The following SEZ6L variants were observed in gnomAD, a reference collection of about 807,000 sequenced individuals.
SEZ6L encodes the protein seizure 6-like protein.
Under a neutral mutation model 106.2 loss-of-function variants are expected in SEZ6L, and 37 were observed. That is an observed-to-expected ratio of 0.35 (90% CI 0.27 to 0.46). The LOEUF is 0.46. SEZ6L is among the 20% of genes least tolerant of loss of function. The pLI is 1.00. For missense variants in SEZ6L, 1,172 were observed against 1,332.8 expected (o/e 0.88, Z 1.88); for synonymous variants, 541 against 570.4 (o/e 0.95, Z 0.73).
Position 26,190,905 on chromosome 22 carries a change from A to G in SEZ6L, c.94+21142A>G, listed in dbSNP as rs958595488. The stretch of plus-strand genomic sequence containing the variant: ...TAATAATAAAATGACCCAATTGTGA[A>G]TTAAGCAGATATGTTTCTCTCCAGC... On this transcript the variant is annotated intron_variant, in intron 1 of 16. Transcript: ENST00000248933. Among the ~76,000 whole-genome samples the G allele has an allele frequency of 2.6e-5, 4 of 152,240 alleles. No homozygotes were observed. The East Asian group carries it at 5.8e-4, about 22-fold the overall frequency.
At chr22:26,380,210 T>C (rs1250386689) in intron 16 of SEZ6L, 56 bp from the exon 17 acceptor site, 5 of 1,565,766 alleles carry the variant, frequency 3.2e-6, no homozygotes, top group Non-Finnish European at 4.4e-6. Flanking sequence ...CATCCCCCTA[T>C]GTATATCACT....
intron 5 of SEZ6L, among the ~76,000 whole-genome samples, chr22:26,300,303 C>G (rs976242191): frequency 2.6e-5 from 4 of 152,122 alleles, no homozygotes; most frequent in African/African-American, 4.8e-5. Context: ...ATCCCTCCCC[C>G]CTCTCCCCAC....
At chr22:26,301,738 G>A (rs951150294) in intron 5 of SEZ6L, among the ~76,000 whole-genome samples, 1 of 151,954 alleles carries the variant, frequency 6.6e-6, no homozygotes, top group African/African-American at 2.4e-5. Flanking sequence ...AAATGGGGGG[G>A]AGAAGGGGGA....
At chr22:26,226,756 T>A (rs2078646009) in intron 1 of SEZ6L, among the ~76,000 whole-genome samples, 1 of 152,140 alleles carries the variant, frequency 6.6e-6, no homozygotes, top group Admixed American at 6.5e-5. Flanking sequence ...ATCTGGCCAA[T>A]GGGATGTAAG....
rs779805369 is a variant in SEZ6L at position 26,347,894 on chromosome 22, C to T, written c.2388C>T (p.Asp796=). The change falls in exon 11 of 17, where the codon GAC becomes GAT. Residue 796 remains aspartate, a synonymous_variant. Coordinates refer to ENST00000248933, the MANE Select transcript of SEZ6L (RefSeq NM_021115.5). ...AGTGGGACCTCAGCTGGAGCAGCGA[C>T]CCCCCATTTTGTGAGAAAAGTAAGA... ...TCQWDLSWSS[D]PPFCEKIMYC... 1.3e-6 allele frequency: 2 copies of T among 1,570,252 alleles called. No homozygotes were observed. Among genetic ancestry groups the T allele is most frequent in the Admixed American group, 4.2e-5 (2 of 47,606 alleles).
chr22:26,327,831 A>G (rs5752306), intron 9 of SEZ6L, among the ~76,000 whole-genome samples: 121,629 of 152,190 alleles, frequency 0.8, 49,100 homozygotes, highest in African/African-American at 0.88. Context: ...GGAATGTAGA[A>G]GGCCCTGGGT....
At chr22:26,354,265 G>A (rs889786311) in intron 12 of SEZ6L, among the ~76,000 whole-genome samples, 3 of 152,154 alleles carry the variant, frequency 2.0e-5, no homozygotes, top group African/African-American at 4.8e-5. Context: ...TCCAATGACT[G>A]GTGTCTTTGT....
At chr22:26,231,331 A>G (rs1344903214) in intron 1 of SEZ6L, among the ~76,000 whole-genome samples, 3 of 152,190 alleles carry the variant, frequency 2.0e-5, no homozygotes, top group Non-Finnish European at 4.4e-5. Flanking sequence ...GTAAACTGAC[A>G]TGGAACTCTG....
chr22:26,206,924 T>C (rs963554649), intron 1 of SEZ6L, among the ~76,000 whole-genome samples: 1 of 152,216 alleles, frequency 6.6e-6, no homozygotes, highest in African/African-American at 2.4e-5. Flanking sequence ...GTGATTTATT[T>C]TGAAAGCTCC....
intron 1 of SEZ6L, among the ~76,000 whole-genome samples, chr22:26,180,780 G>A (rs1203759009): frequency 1.3e-5 from 2 of 152,234 alleles, no homozygotes; most frequent in East Asian, 3.8e-4. Flanking sequence ...CTGGAATGAT[G>A]ACAGTGGATT....
chr22:26,289,465 C>A (rs2081040400), intron 1 of SEZ6L, among the ~76,000 whole-genome samples: 1 of 152,206 alleles, frequency 6.6e-6, no homozygotes, highest in Non-Finnish European at 1.5e-5. Context: ...CCCAGACTCA[C>A]TCAGCTCATA....
chr22:26,200,954 T>C lies in SEZ6L; in HGVS notation c.94+31191T>C, dbSNP rs570114881. Among the ~76,000 whole-genome samples the C allele has an allele frequency of 3.3e-5, 5 of 152,100 alleles. No homozygotes were observed. The South Asian group carries it at 8.3e-4, about 25-fold the overall frequency. The stretch of plus-strand genomic sequence containing the variant: ...CTCCTCCAGTCAAAACCCCAACCAG[T>C]CAAAACCCCATGCAGAATCCCAGCC... On this transcript the variant is annotated intron_variant, in intron 1 of 16. Transcript: ENST00000248933.
chr22:26,304,388 GA>G (rs1338683024), intron 5 of SEZ6L, among the ~76,000 whole-genome samples: 1 of 114,262 alleles, frequency 8.8e-6, no homozygotes, highest in East Asian at 2.1e-4. Flanking sequence ...AAGAAAGAAA[GA>G]AAGAAAGAAA....
At position 26,306,040 on chromosome 22, in the gene SEZ6L, T is replaced by C. The variant is rs1163116142; in HGVS notation, c.1410T>C (p.Pro470=). The C allele has an allele frequency of 1.3e-6, 2 of 1,559,970 alleles. No individual in the cohort carries two copies. The highest frequency in any genetic ancestry group is 8.7e-7 in the Non-Finnish European group (1 of 1,147,438). ...TIGRVLSPSY[P]ENTNGSQFCI... is the part of the protein sequence containing the mutation. The stretch of plus-strand genomic sequence containing the variant: ...GCCGCGTCCTCTCCCCAAGTTACCC[T>C]GAAAACACAAATGGGAGCCAATTCT... Residue 470 remains proline (P), a synonymous_variant, in exon 6 of 17, where the codon CCT becomes CCC. Transcript: ENST00000248933.
rs996763826 is a variant in SEZ6L, at chr22:26,185,576, G to A, written c.94+15813G>A. Among the ~76,000 whole-genome samples the A allele has an allele frequency of 1.4e-4, 21 of 152,278 alleles. No homozygotes were observed. In the East Asian group the frequency reaches 1.5e-3, roughly 11 times the overall value. ...GACCCATGATTGAGCTATACATGCT[G>A]CCTTCTGGATTTTTCTGAGGCCATC... is the stretch of plus-strand genomic sequence containing the variant. On this transcript the variant is annotated intron_variant, in intron 1 of 16. Coordinates refer to ENST00000248933, the MANE Select transcript of SEZ6L (RefSeq NM_021115.5).
rs192534909 is a variant in SEZ6L, at chr22:26,217,768, T to C, written c.94+48005T>C. Among the ~76,000 whole-genome samples the C allele has an allele frequency of 1.0e-3, 153 of 152,358 alleles. 2 individuals carry two copies. Among genetic ancestry groups the C allele is most frequent in the Admixed American group, 4.0e-3 (61 of 15,312 alleles). ...GCAAATACAACATGTTGTGTGGGAC[T>C]CCTCCTCCTCAAGGAATTTCCCCTT... is the stretch of plus-strand genomic sequence containing the variant. On this transcript the variant is annotated intron_variant, in intron 1 of 16. Coordinates refer to ENST00000248933, the MANE Select transcript of SEZ6L (RefSeq NM_021115.5).
chr22:26,336,852 C>T (rs2082660819), intron 9 of SEZ6L, among the ~76,000 whole-genome samples: 1 of 152,006 alleles, frequency 6.6e-6, no homozygotes. Context: ...GGAAAACTGC[C>T]CCTAGTTGAA....
chr22:26,331,123 A>G (rs1253618526), intron 9 of SEZ6L, among the ~76,000 whole-genome samples: 1 of 152,166 alleles, frequency 6.6e-6, no homozygotes, highest in Non-Finnish European at 1.5e-5. Flanking sequence ...CAGGCTCCTG[A>G]TTGGTTGGGG....
At chr22:26,295,557 T>C (rs2081276637) in intron 3 of SEZ6L, among the ~76,000 whole-genome samples, 1 of 152,194 alleles carries the variant, frequency 6.6e-6, no homozygotes, top group South Asian at 2.1e-4. Context: ...TGTAGGTCCT[T>C]AATAATTGTT....
Sources: gnomAD v4.1 joint callset for allele counts (sites outside exome capture counted in the v4.1 genomes callset) on GRCh38, gnomAD v4.1.1 for gene constraint, MANE v1.5 for transcripts, NCBI Gene and HGNC (gene_info 2026-07-23, HGNC 2026-07-21) for gene names.